Variants in TAFA2 observed in about 807,000 individuals in gnomAD.
The protein encoded by TAFA2 is chemokine-like protein TAFA-2.
In TAFA2, 7 loss-of-function variants were observed where a neutral mutation model predicts 18.8. The ratio of observed to expected loss-of-function variants is 0.37; its 90% CI spans 0.21 to 0.70. The LOEUF (loss-of-function observed/expected upper bound fraction) is 0.70. Ranked by LOEUF, TAFA2 falls within the 30% of genes least tolerant of loss-of-function variation. The pLI is 0.53. For missense variants in TAFA2, 122 were observed against 158.1 expected, an observed-to-expected ratio of 0.77 and a Z score of 1.23; for synonymous variants, 60 against 54.2, an observed-to-expected ratio of 1.11 and a Z score of -0.47.
chr12:62,043,176 C>T (rs1017765604), intron 1 of TAFA2, among the ~76,000 whole-genome samples: 5 of 152,058 alleles, frequency 3.3e-5, no homozygotes, highest in South Asian at 2.1e-4. Flanking sequence ...TAGTTTATTG[C>T]GGCACTATTC....
intron 1 of TAFA2, among the ~76,000 whole-genome samples, chr12:61,957,710 T>A (rs1878745925): frequency 6.6e-6 from 1 of 152,070 alleles, no homozygotes; most frequent in East Asian, 1.9e-4. Flanking sequence ...TATACTCAGC[T>A]AAAAGTCCGT....
intron 2 of TAFA2, among the ~76,000 whole-genome samples, chr12:61,796,078 A>G (rs1166088030): frequency 6.6e-6 from 1 of 152,160 alleles, no homozygotes; most frequent in East Asian, 1.9e-4. Flanking sequence ...GCTGTTTGGC[A>G]GTTTCTTAAA....
At chr12:62,251,377 G>A (rs2062913041) in intron 1 of TAFA2, among the ~76,000 whole-genome samples, 1 of 152,166 alleles carries the variant, frequency 6.6e-6, no homozygotes, top group South Asian at 2.1e-4. Context: ...AACTGCCTGG[G>A]TTACAAACAG....
chr12:61,791,411 G>C lies in TAFA2; in HGVS notation c.107-36387C>G, dbSNP rs775907364. ...ACAAAAAAGCTTCAGCATAGCAATG[G>C]AAACAATCAGCAGAGTGAAGAGAAA... On this transcript the variant is annotated intron_variant, in intron 2 of 4. Coordinates refer to ENST00000416284, the MANE Select transcript of TAFA2 (RefSeq NM_178539.5). Among the ~76,000 whole-genome samples, 6 of 151,578 alleles carry C rather than the reference G, an allele frequency of 4.0e-5. No individual in the cohort carries two copies. In the East Asian group the frequency reaches 9.8e-4, roughly 25 times the overall value.
intron 4 of TAFA2, 96 bp downstream of exon 4, chr12:61,753,526 C>T (rs1869117977): frequency 8.8e-7 from 1 of 1,142,576 alleles, no homozygotes; most frequent in Non-Finnish European, 1.2e-6. Context: ...CTATACTCTT[C>T]CATTCCACAA....
At chr12:62,026,736 C>T (rs1881321940) in intron 1 of TAFA2, among the ~76,000 whole-genome samples, 2 of 152,096 alleles carry the variant, frequency 1.3e-5, no homozygotes, top group South Asian at 2.1e-4. Flanking sequence ...TCTAAAAATA[C>T]TCAAAATTAT....
At chr12:61,858,096 G>A (rs1426563677) in intron 2 of TAFA2, among the ~76,000 whole-genome samples, 1 of 152,170 alleles carries the variant, frequency 6.6e-6, no homozygotes, top group Non-Finnish European at 1.5e-5. Context: ...AGTGGCCATG[G>A]AAGTCATTCC....
chr12:62,128,257 C>T (rs1870542726), intron 1 of TAFA2, among the ~76,000 whole-genome samples: 1 of 151,940 alleles, frequency 6.6e-6, no homozygotes, highest in African/African-American at 2.4e-5. Context: ...ATTGTCTATT[C>T]GATGTTAATC....
chr12:62,259,736 G>A (rs1229633927), upstream of TAFA2: 2 of 152,668 alleles, frequency 1.3e-5, no homozygotes, highest in African/African-American at 4.8e-5. Context: ...ACTGGGACAT[G>A]TTTTTCACTG....
chr12:61,979,994 C>G (rs1879573659), intron 1 of TAFA2, among the ~76,000 whole-genome samples: 1 of 152,240 alleles, frequency 6.6e-6, no homozygotes, highest in East Asian at 1.9e-4. Context: ...TTAAAATATA[C>G]TTATTCTGAT....
intron 1 of TAFA2, among the ~76,000 whole-genome samples, chr12:62,183,296 G>A (rs2062564032): frequency 6.6e-6 from 1 of 152,184 alleles, no homozygotes; most frequent in Non-Finnish European, 1.5e-5. Context: ...AAATCTGCTG[G>A]TGCCTTGATC....
At chr12:62,226,305 C>T (rs1381856799) in intron 1 of TAFA2, among the ~76,000 whole-genome samples, 1 of 151,910 alleles carries the variant, frequency 6.6e-6, no homozygotes. Context: ...GCCATTCTCC[C>T]GCCTCTGCCT....
At chr12:62,215,314 A>G (rs1354297934) in intron 1 of TAFA2, among the ~76,000 whole-genome samples, 2 of 152,160 alleles carry the variant, frequency 1.3e-5, no homozygotes, top group Non-Finnish European at 2.9e-5. Context: ...AAATCATTTG[A>G]GTTTTCCCTT....
chr12:61,999,884 G>A (rs1308378072), intron 1 of TAFA2, among the ~76,000 whole-genome samples: 2 of 152,170 alleles, frequency 1.3e-5, no homozygotes, highest in Non-Finnish European at 2.9e-5. Context: ...CCAAACCTAT[G>A]AGACTGTGGG....
intron 1 of TAFA2, among the ~76,000 whole-genome samples, chr12:61,894,303 T>C (rs1875751504): frequency 6.6e-6 from 1 of 152,178 alleles, no homozygotes; most frequent in Non-Finnish European, 1.5e-5. Context: ...GTTTTGCTAA[T>C]ACAAAGTGAA....
chr12:61,939,965 T>A (rs1877930322), intron 1 of TAFA2, among the ~76,000 whole-genome samples: 1 of 152,254 alleles, frequency 6.6e-6, no homozygotes, highest in Non-Finnish European at 1.5e-5. Flanking sequence ...AACAGTGTTG[T>A]CTTACTCAGC....
In TAFA2 at chr12:62,192,505, T is replaced by C. The variant is rs1375604666; in HGVS notation, c.-1248A>G. ...TCTCCGCGTCCCACCCCAGATGCTA[T>C]ACTGTCAAAAGACACTGATGCTAAT... is the stretch of plus-strand genomic sequence containing the variant. On this transcript the variant is annotated 5_prime_UTR_variant, in exon 1 of 5. Coordinates refer to ENST00000416284, the MANE Select transcript of TAFA2 (RefSeq NM_178539.5). 6.6e-6 allele frequency: 1 copy of C among 152,300 alleles called. No homozygotes were observed. Among genetic ancestry groups the C allele is most frequent in the African/African-American group, 2.4e-5 (1 of 41,444 alleles). 9.4% of individuals were successfully genotyped at this position (152,300 alleles called of 1,614,324 possible).
intron 1 of TAFA2, among the ~76,000 whole-genome samples, chr12:62,250,378 G>A (rs2136994367): frequency 6.6e-6 from 1 of 152,134 alleles, no homozygotes. Flanking sequence ...TTTTCTCTGA[G>A]TTCATATTTT....
chr12:62,213,339 A>G lies in TAFA2; in HGVS notation c.-130+45424T>C, dbSNP rs557354799. ...CATTTAGGTAAGTTCAATTTGTTAA[A>G]TAATTATTAAAAGTATAAGTTGCAG... On this transcript the variant is annotated intron_variant, in intron 1 of 5. Coordinates refer to the TAFA2 transcript ENST00000551619. Among the ~76,000 whole-genome samples, 113 of 152,310 alleles carry G rather than the reference A, an allele frequency of 7.4e-4. 1 individual carries two copies. Among genetic ancestry groups the G allele is most frequent in the African/African-American group, 2.6e-3 (109 of 41,570 alleles).
Sources: gnomAD v4.1 joint callset for allele counts (sites outside exome capture counted in the v4.1 genomes callset) on GRCh38, gnomAD v4.1.1 for gene constraint, MANE v1.5 for transcripts, NCBI Gene and HGNC (gene_info 2026-07-23, HGNC 2026-07-21) for gene names.